The following PSPC1 variants were observed in gnomAD, a reference collection of about 807,000 sequenced individuals.
PSPC1 encodes the protein paraspeckle protein 1.
PSPC1 carries 14 observed loss-of-function variants against 51.6 expected under a neutral mutation model. The observed-to-expected ratio is 0.27, with a 90% CI of 0.18 to 0.42. The LOEUF is 0.42. PSPC1 is among the 10% of genes least tolerant of loss of function. The pLI, the probability that PSPC1 is intolerant of heterozygous loss-of-function variation, is 1.00. For synonymous variants in PSPC1, 193 were observed against 231.9 expected, an observed-to-expected ratio of 0.83 and a Z score of 1.53; for missense variants, 406 against 701.1, an observed-to-expected ratio of 0.58 and a Z score of 4.75.
chr13:19,735,274 G>A (rs146620649), intron 5 of PSPC1, among the ~76,000 whole-genome samples: 2 of 152,194 alleles, frequency 1.3e-5, no homozygotes, highest in Non-Finnish European at 2.9e-5. Flanking sequence ...TCGCGCCACC[G>A]CACTCCAGCC....
intron 8 of PSPC1, among the ~76,000 whole-genome samples, chr13:19,705,300 C>T (rs545405700): frequency 1.8e-4 from 27 of 152,330 alleles, no homozygotes; most frequent in Admixed American, 1.8e-3. Context: ...TGAGACCAGC[C>T]TGGCCAACAT....
chr13:19,742,785 C>CCCAA (rs906329655), intron 4 of PSPC1, among the ~76,000 whole-genome samples: 6 of 151,940 alleles, frequency 3.9e-5, no homozygotes, highest in Non-Finnish European at 8.8e-5. Flanking sequence ...AATGCAAAGC[C>CCCAA]CCAACACATG....
intron 2 of PSPC1, among the ~76,000 whole-genome samples, chr13:19,760,828 A>T (rs1593737894): frequency 6.6e-6 from 1 of 151,824 alleles, no homozygotes; most frequent in South Asian, 2.1e-4. Context: ...CTCTACTAAA[A>T]ATACAAAAAA....
downstream of PSPC1, chr13:19,671,960 C>A: frequency 7.1e-6 from 10 of 1,404,526 alleles, no homozygotes; most frequent in Non-Finnish European, 1.0e-5. Context: ...TCTAGCACAT[C>A]TATGTAAAGT....
intron 4 of PSPC1, among the ~76,000 whole-genome samples, chr13:19,749,235 C>G (rs1241864738): frequency 1.3e-5 from 2 of 152,026 alleles, no homozygotes; most frequent in African/African-American, 4.8e-5. Flanking sequence ...GTAATCCCAG[C>G]CACTTAGGAG....
At chr13:19,751,828 C>T (rs1463553475) in intron 3 of PSPC1, among the ~76,000 whole-genome samples, 2 of 152,108 alleles carry the variant, frequency 1.3e-5, no homozygotes, top group African/African-American at 4.8e-5. Flanking sequence ...GAGGCCGAGG[C>T]GGGCAGATCA....
chr13:19,734,984 T>TCAAACAAA (rs1272980611), intron 5 of PSPC1, among the ~76,000 whole-genome samples: 1 of 95,442 alleles, frequency 1.0e-5, no homozygotes, highest in Non-Finnish European at 2.5e-5. Flanking sequence ...TCTCAAAAAA[T>TCAAACAAA]CAAACAAACA....
intron 5 of PSPC1, among the ~76,000 whole-genome samples, chr13:19,733,789 AT>A (rs1366053048): frequency 9.4e-4 from 65 of 69,086 alleles, no homozygotes; most frequent in African/African-American, 2.6e-3. Context: ...AAAAAAAAAT[AT>A]ATATATATAT....
At chr13:19,719,250 T>C (rs1882483934) in intron 6 of PSPC1, among the ~76,000 whole-genome samples, 1 of 152,068 alleles carries the variant, frequency 6.6e-6, no homozygotes, top group African/African-American at 2.4e-5. Context: ...CACATAATCT[T>C]GCTGTGGACC....
chr13:19,681,490 G>A (rs1257898543), intron 6 of PSPC1, among the ~76,000 whole-genome samples: 1 of 152,152 alleles, frequency 6.6e-6, no homozygotes, highest in African/African-American at 2.4e-5. Context: ...AAGCTGAGCT[G>A]TTCAAATTAC....
intron 6 of PSPC1, among the ~76,000 whole-genome samples, chr13:19,696,551 A>G (rs1432614885): frequency 6.6e-6 from 1 of 152,030 alleles, no homozygotes; most frequent in Non-Finnish European, 1.5e-5. Context: ...CGCTACAAAG[A>G]AAATATTTTA....
At chr13:19,765,344 A>ATTATTATTATT (rs1555248075) in intron 2 of PSPC1, among the ~76,000 whole-genome samples, 1 of 141,370 alleles carries the variant, frequency 7.1e-6, no homozygotes, top group African/African-American at 2.7e-5. Flanking sequence ...TAATAATAAT[A>ATTATTATTATT]ATTATTATTA....
intron 4 of PSPC1, among the ~76,000 whole-genome samples, chr13:19,746,532 C>G (rs1593694594): frequency 6.6e-6 from 1 of 151,888 alleles, no homozygotes; most frequent in Middle Eastern, 3.4e-3. Context: ...TGAGGCCAGC[C>G]TGGCCAACAT....
Position 19,777,894 on chromosome 13 carries a change from C to T in PSPC1, c.372+4492G>A, listed in dbSNP as rs76565426. On this transcript the variant is annotated intron_variant, in intron 1 of 8. Coordinates refer to ENST00000338910, the MANE Select transcript of PSPC1 (RefSeq NM_001354909.2). ...CAGGGAGGCAGAGGTTGCAGTGAGT[C>T]GAGATCGCGCTACTGCACTCCAGCC... 3.5e-3 allele frequency among the ~76,000 whole-genome samples: 528 copies of T among 151,664 alleles called. 16 individuals are homozygous for T. The East Asian group carries it at 0.068, about 19-fold the overall frequency.
At chr13:19,709,685 T>C (rs1881154988) in intron 6 of PSPC1, 86 bp from the exon 7 acceptor site, 6 of 1,137,232 alleles carry the variant, frequency 5.3e-6, no homozygotes, top group Non-Finnish European at 6.3e-6. Context: ...AAAGAGTGAA[T>C]TGGGACATCA....
intron 1 of PSPC1, among the ~76,000 whole-genome samples, chr13:19,772,849 A>G (rs1566054167): frequency 6.6e-6 from 1 of 152,184 alleles, no homozygotes; most frequent in Non-Finnish European, 1.5e-5. Flanking sequence ...TCCTACATAT[A>G]TTAAGAACAC....
intron 6 of PSPC1, among the ~76,000 whole-genome samples, chr13:19,719,504 G>A (rs1410043788): frequency 5.3e-5 from 8 of 152,030 alleles, no homozygotes; most frequent in East Asian, 1.9e-4. Flanking sequence ...GTTTAGTCAC[G>A]AAACAAAAAG....
At chr13:19,716,207 A>G (rs962287830) in intron 6 of PSPC1, among the ~76,000 whole-genome samples, 4 of 152,168 alleles carry the variant, frequency 2.6e-5, no homozygotes, top group Non-Finnish European at 5.9e-5. Flanking sequence ...TTCTAGTCCC[A>G]AACATTTTAG....
At chr13:19,777,521 AT>A (rs1215646155) in intron 1 of PSPC1, among the ~76,000 whole-genome samples, 2 of 152,010 alleles carry the variant, frequency 1.3e-5, no homozygotes, top group Non-Finnish European at 2.9e-5. Flanking sequence ...AAATAAATGC[AT>A]TTATAATGTT....
Sources: allele counts gnomAD v4.1 joint callset (sites outside exome capture counted in the v4.1 genomes callset), GRCh38; gene constraint gnomAD v4.1.1; transcripts MANE v1.5; gene names NCBI Gene and HGNC (gene_info 2026-07-23, HGNC 2026-07-21).